The following TMEM163 variants were observed in gnomAD, a reference collection of about 807,000 sequenced individuals.
TMEM163 encodes the protein transmembrane protein 163.
In TMEM163, 17 loss-of-function variants were observed where a neutral mutation model predicts 29.3. The ratio of observed to expected loss-of-function variants is 0.58; its 90% CI spans 0.40 to 0.87. The LOEUF is 0.87. Among genes scored for constraint, TMEM163 ranks in the 40% least tolerant of loss-of-function variants. The probability of loss-of-function intolerance (pLI) is 0.00; values close to 1 mark genes in which losing one functional copy is unlikely to be tolerated. For missense variants in TMEM163, 303 were observed against 381.5 expected, an observed-to-expected ratio of 0.79 and a Z score of 1.71; for synonymous variants, 157 against 160.6, an observed-to-expected ratio of 0.98 and a Z score of 0.17.
At chr2:134,502,505 T>C (rs969453639) in intron 5 of TMEM163, among the ~76,000 whole-genome samples, 66 of 152,162 alleles carry the variant, frequency 4.3e-4, no homozygotes, top group African/African-American at 1.6e-3. Flanking sequence ...TATGACTGAA[T>C]TGAGGTGCAA....
chr2:134,571,243 A>G lies in TMEM163; in HGVS notation c.323-19152T>C, dbSNP rs6756075. On this transcript the variant is annotated intron_variant, in intron 2 of 7. Transcript: ENST00000281924. ...TGGAAAATACACAGTGAACAGAATAATGGCTGAAATGGCATTGCCCATATA... is the reference window on the plus strand; with the variant it reads ...TGGAAAATACACAGTGAACAGAATAGTGGCTGAAATGGCATTGCCCATATA... Among the ~76,000 whole-genome samples, 880 of 152,346 alleles carry G rather than the reference A, an allele frequency of 5.8e-3. 7 individuals are homozygous for G. Among genetic ancestry groups the G allele is most frequent in the Non-Finnish European group, 0.011 (715 of 68,026 alleles).
intron 2 of TMEM163, among the ~76,000 whole-genome samples, chr2:134,569,704 A>G (rs896370209): frequency 6.6e-6 from 1 of 152,080 alleles, no homozygotes; most frequent in East Asian, 1.9e-4. Flanking sequence ...ACTCAACTTC[A>G]TGGAAGCCAT....
chr2:134,465,598 GAC>G (rs1558912066), intron 6 of TMEM163, among the ~76,000 whole-genome samples: 3 of 152,292 alleles, frequency 2.0e-5, no homozygotes, highest in Admixed American at 1.3e-4. Flanking sequence ...GTCCCACAGG[GAC>G]ACACACAGAC....
intron 2 of TMEM163, among the ~76,000 whole-genome samples, chr2:134,685,165 T>C (rs1367857535): frequency 6.6e-6 from 1 of 152,202 alleles, no homozygotes; most frequent in East Asian, 1.9e-4. Flanking sequence ...GTATTAACGT[T>C]TAAAGATCCT....
chr2:134,524,358 TAA>T (rs1680248753), intron 4 of TMEM163, among the ~76,000 whole-genome samples: 1 of 151,012 alleles, frequency 6.6e-6, no homozygotes, highest in Non-Finnish European at 1.5e-5. Context: ...TTTAATGCTG[TAA>T]TTGAGAGCTT....
intron 4 of TMEM163, among the ~76,000 whole-genome samples, chr2:134,539,144 A>T (rs75933225): frequency 6.6e-6 from 1 of 152,234 alleles, no homozygotes; most frequent in Non-Finnish European, 1.5e-5. Flanking sequence ...ACGATCTTAC[A>T]AAGTGGGTAG....
At chr2:134,542,118 T>C (rs754649473) in intron 4 of TMEM163, among the ~76,000 whole-genome samples, 1 of 152,262 alleles carries the variant, frequency 6.6e-6, no homozygotes, top group Non-Finnish European at 1.5e-5. Flanking sequence ...TTACAAATTC[T>C]TTTATTCCAT....
rs1450334402 is a variant in TMEM163 at position 134,648,307 on chromosome 2, C to CTTCTCTTCTCTTCTA, written c.322+64892_322+64893insTAGAAGAGAAGAGAA. 1.9e-4 allele frequency among the ~76,000 whole-genome samples: 18 copies of CTTCTCTTCTCTTCTA among 95,166 alleles called. No individual in the cohort carries two copies. The East Asian group carries it at 0.024, about 127-fold the overall frequency. 62.4% of individuals were successfully genotyped at this position (95,166 alleles called of 152,430 possible). ...TCTCTGGCATCTCACTGCTTCTCCT[C>CTTCTCTTCTCTTCTA]TTCTCTTCTCTTCTCTTCTCTTCTC... is the stretch of plus-strand genomic sequence containing the variant. On this transcript the variant is annotated intron_variant, in intron 2 of 7. Coordinates refer to ENST00000281924, the MANE Select transcript of TMEM163 (RefSeq NM_030923.5).
At chr2:134,656,305 G>A (rs1293005544) in intron 2 of TMEM163, among the ~76,000 whole-genome samples, 3 of 151,464 alleles carry the variant, frequency 2.0e-5, no homozygotes, top group Non-Finnish European at 4.4e-5. Context: ...GGAGTGACCC[G>A]ATTTTCCAGG....
intron 2 of TMEM163, among the ~76,000 whole-genome samples, chr2:134,690,177 C>T (rs1428343055): frequency 6.6e-6 from 1 of 151,288 alleles, no homozygotes; most frequent in South Asian, 2.1e-4. Flanking sequence ...GTGATCCACC[C>T]GCCCCGGCCT....
chr2:134,597,223 A>C (rs1010247635), intron 2 of TMEM163, among the ~76,000 whole-genome samples: 5 of 152,112 alleles, frequency 3.3e-5, no homozygotes, highest in Admixed American at 3.3e-4. Context: ...CAGTTTTTGC[A>C]CATTCAGCAT....
intron 2 of TMEM163, among the ~76,000 whole-genome samples, chr2:134,648,316 T>TCTTCTCTTCTCTTCTCTTCC (rs1683384946): frequency 6.7e-6 from 1 of 150,152 alleles, no homozygotes; most frequent in Non-Finnish European, 1.5e-5. Context: ...TCTTCTCTTC[T>TCTTCTCTTCTCTTCTCTTCC]CTTCTCTTCT....
chr2:134,639,933 C>G (rs1683189854), intron 2 of TMEM163, among the ~76,000 whole-genome samples: 1 of 152,134 alleles, frequency 6.6e-6, no homozygotes, highest in African/African-American at 2.4e-5. Flanking sequence ...TATCTTCTTA[C>G]TCACTTCTTT....
intron 2 of TMEM163, among the ~76,000 whole-genome samples, chr2:134,567,381 TG>T (rs150220877): frequency 0.035 from 5,258 of 152,280 alleles, 321 homozygotes; most frequent in African/African-American, 0.12. Context: ...GATCCTGATT[TG>T]CCAATATTCA....
intron 2 of TMEM163, among the ~76,000 whole-genome samples, chr2:134,584,637 A>T (rs1438620266): frequency 5.4e-5 from 3 of 55,614 alleles, no homozygotes; most frequent in African/African-American, 1.1e-4. Context: ...AATTTCTAGT[A>T]AAAAAAAAAA....
chr2:134,583,146 C>G (rs897190987), intron 2 of TMEM163, among the ~76,000 whole-genome samples: 2 of 152,210 alleles, frequency 1.3e-5, no homozygotes, highest in Non-Finnish European at 2.9e-5. Context: ...AGTCACAGCA[C>G]CAACTTTGGA....
intron 2 of TMEM163, among the ~76,000 whole-genome samples, chr2:134,622,362 G>T (rs1254817743): frequency 6.6e-6 from 1 of 152,180 alleles, no homozygotes; most frequent in Non-Finnish European, 1.5e-5. Flanking sequence ...CACGGCAGGG[G>T]GTCAGTGGCT....
At chr2:134,629,663 T>G (rs948056095) in intron 2 of TMEM163, among the ~76,000 whole-genome samples, 1 of 152,232 alleles carries the variant, frequency 6.6e-6, no homozygotes, top group Non-Finnish European at 1.5e-5. Context: ...TCTAGGCTAC[T>G]TTTGCATATT....
At chr2:134,498,899 C>A (rs1679640165) in intron 5 of TMEM163, among the ~76,000 whole-genome samples, 1 of 152,196 alleles carries the variant, frequency 6.6e-6, no homozygotes, top group South Asian at 2.1e-4. Context: ...TGTGCCAGGG[C>A]CAAGATAGTC....
Sources: allele counts gnomAD v4.1 joint callset (sites outside exome capture counted in the v4.1 genomes callset), GRCh38; gene constraint gnomAD v4.1.1; transcripts MANE v1.5; gene names NCBI Gene and HGNC (gene_info 2026-07-23, HGNC 2026-07-21).